ADGRA1: variants seen among roughly 807,000 people sequenced by gnomAD.
The protein encoded by ADGRA1 is G-protein coupled receptor 123.
ADGRA1 carries 12 observed loss-of-function variants against 21.3 expected under a neutral mutation model. The ratio of observed to expected loss-of-function variants is 0.56; its 90% CI spans 0.36 to 0.91. The LOEUF (loss-of-function observed/expected upper bound fraction) is 0.91, where lower values mean the gene tolerates loss of function less well. ADGRA1 is among the 40% of genes least tolerant of loss of function. The pLI is 0.01. For synonymous variants in ADGRA1, 385 were observed against 368.8 expected (o/e 1.04, Z -0.50); for missense variants, 790 against 805.6 (o/e 0.98, Z 0.23).
intron 5 of ADGRA1, among the ~76,000 whole-genome samples, chr10:133,121,665 C>A: frequency 9.0e-6 from 1 of 110,736 alleles, no homozygotes; most frequent in South Asian, 3.2e-4. Context: ...GTGGTGTGTG[C>A]CAGTGTGCAT....
intron 5 of ADGRA1, among the ~76,000 whole-genome samples, chr10:133,103,054 A>AG (rs1851827672): frequency 1.8e-5 from 1 of 55,980 alleles, no homozygotes; most frequent in East Asian, 4.1e-4. Context: ...GCCGGAGGGG[A>AG]GGGGCGCCGG....
At position 133,129,937 on chromosome 10, in the gene ADGRA1, C is replaced by G. The variant is rs1852482698; in HGVS notation, c.*426C>G. Reference sequence around the variant, plus strand: ...GCTGCCCACGGAGTCCTGGCTTCCCCTGGTGTGGCCGGGCAGGGCCGAGAT... The same window carrying G: ...GCTGCCCACGGAGTCCTGGCTTCCCGTGGTGTGGCCGGGCAGGGCCGAGAT... On this transcript the variant is annotated 3_prime_UTR_variant, in exon 7 of 7. Transcript: ENST00000392607. 1 of 179,358 alleles carries G rather than the reference C, an allele frequency of 5.6e-6. No homozygotes were observed. The highest frequency in any genetic ancestry group is 1.5e-4 in the South Asian group (1 of 6,782). The allele number at this position is 179,358 out of a possible 1,614,324, so 11.1% of individuals were successfully genotyped here.
intron 5 of ADGRA1, among the ~76,000 whole-genome samples, chr10:133,104,552 A>G (rs919153658): frequency 3.3e-5 from 5 of 152,136 alleles, no homozygotes; most frequent in Admixed American, 1.3e-4. Flanking sequence ...GCTTGCGGCC[A>G]TGGTGCCGAG....
chr10:133,091,704 G>A lies in ADGRA1; in HGVS notation c.3+2792G>A, dbSNP rs533478595. Reference sequence around the variant, plus strand: ...TGTTCTCAATGCCGGGATTGAGTGCGAGGACAAGCTTGGGCTGGGGGACCC... The same window carrying A: ...TGTTCTCAATGCCGGGATTGAGTGCAAGGACAAGCTTGGGCTGGGGGACCC... On this transcript the variant is annotated intron_variant, in intron 2 of 6. Transcript: ENST00000392607. Among the ~76,000 whole-genome samples the A allele has an allele frequency of 4.6e-5, 7 of 152,366 alleles. No homozygotes were observed. The East Asian group carries it at 1.2e-3, about 25-fold the overall frequency.
At chr10:133,109,775 A>T (rs1357301290) in intron 5 of ADGRA1, among the ~76,000 whole-genome samples, 1 of 152,178 alleles carries the variant, frequency 6.6e-6, no homozygotes, top group Non-Finnish European at 1.5e-5. Context: ...AACGGCAGGG[A>T]TGTAGTAAAT....
Position 133,088,851 on chromosome 10 carries a change from C to T in ADGRA1, c.-59C>T. On this transcript the variant is annotated 5_prime_UTR_variant, in exon 2 of 7. Coordinates refer to ENST00000392607, the MANE Select transcript of ADGRA1 (RefSeq NM_001083909.3). The stretch of plus-strand genomic sequence containing the variant: ...GGCGGGGAGCAGGGCGCCACCTGAT[C>T]GCCTCCCCCTGGACGCCTCCTCCAG... 6 of 1,237,012 alleles carry T rather than the reference C, an allele frequency of 4.9e-6. No homozygotes were observed. The highest frequency in any genetic ancestry group is 6.1e-6 in the Non-Finnish European group (6 of 988,016). 76.6% of individuals were successfully genotyped at this position (1,237,012 alleles called of 1,614,324 possible).
intron 5 of ADGRA1, among the ~76,000 whole-genome samples, chr10:133,118,250 C>T (rs1473085628): frequency 1.3e-5 from 2 of 152,196 alleles, no homozygotes; most frequent in East Asian, 1.9e-4. Context: ...CCTCAGGTCA[C>T]GGTGCCCACA....
At chr10:133,090,339 C>A (rs766719122) in intron 2 of ADGRA1, among the ~76,000 whole-genome samples, 2 of 152,302 alleles carry the variant, frequency 1.3e-5, no homozygotes, top group Admixed American at 1.3e-4. Context: ...CACCCGGTCC[C>A]AGCCGGCCTG....
intron 5 of ADGRA1, among the ~76,000 whole-genome samples, chr10:133,116,660 C>T (rs1320245599): frequency 6.6e-6 from 1 of 152,058 alleles, no homozygotes; most frequent in Non-Finnish European, 1.5e-5. Context: ...AAACGGGCAG[C>T]CCGAGGAGGG....
chr10:133,100,451 C>T (rs1328417954), intron 4 of ADGRA1, among the ~76,000 whole-genome samples: 1 of 152,236 alleles, frequency 6.6e-6, no homozygotes, highest in East Asian at 1.9e-4. Context: ...CTTCAGCAAA[C>T]CCCGCCCGCG....
chr10:133,127,222 C>T lies in ADGRA1; in HGVS notation c.402-11C>T, dbSNP rs1442311117. On this transcript the variant is annotated splice_polypyrimidine_tract_variant and intron_variant, in intron 5 of 6. Transcript: ENST00000392607. ...CGTCTGCAAGGGGGTCAACGCCTTC[C>T]TCCCCGGCAGGTTTTACCTCGTCAG... The T allele has an allele frequency of 1.3e-6, 2 of 1,562,606 alleles. No individual in the cohort carries two copies. The highest frequency in any genetic ancestry group is 1.7e-6 in the Non-Finnish European group (2 of 1,155,742).
intron 2 of ADGRA1, chr10:133,095,739 C>A (rs1279740694): frequency 1.3e-6 from 2 of 1,598,388 alleles, no homozygotes; most frequent in African/African-American, 1.3e-5. Flanking sequence ...AGGAGGGAAG[C>A]AGGAGCTCTC....
At chr10:133,088,599 A>ACCT in intron 1 of ADGRA1, 109 bp from the exon 2 acceptor site, 1 of 623,388 alleles carries the variant, frequency 1.6e-6, no homozygotes, top group East Asian at 4.5e-5. Flanking sequence ...CCGCCCGCGG[A>ACCT]GGGGAGGGAG....
intron 2 of ADGRA1, among the ~76,000 whole-genome samples, chr10:133,092,358 A>G (rs1027320942): frequency 2.0e-5 from 3 of 152,350 alleles, no homozygotes; most frequent in African/African-American, 7.2e-5. Flanking sequence ...TTAAGCAAGT[A>G]ACTACCAGTC....
chr10:133,114,271 T>C (rs1852115375), intron 5 of ADGRA1, among the ~76,000 whole-genome samples: 1 of 152,208 alleles, frequency 6.6e-6, no homozygotes, highest in Admixed American at 6.5e-5. Flanking sequence ...AGGCCACATG[T>C]GGCCTGACGT....
chr10:133,129,136 C>T lies in ADGRA1; in HGVS notation c.1308C>T (p.Tyr436=), dbSNP rs770540782. 14 of 1,554,106 alleles carry T rather than the reference C, an allele frequency of 9.0e-6. No homozygotes were observed. The highest frequency in any genetic ancestry group is 1.4e-5 in the African/African-American group (1 of 73,350). Residue 436 remains tyrosine (Y), a synonymous_variant, in exon 7 of 7, where the codon TAC becomes TAT. Coordinates refer to ENST00000392607, the MANE Select transcript of ADGRA1 (RefSeq NM_001083909.3). ...GGCACCCAGCAGAGGAGCCCGAGTA[C>T]GCCTACCACATCCCATCCAGCCTGG... ...FSRHPAEEPE[Y]AYHIPSSLDG...
At position 133,129,040 on chromosome 10, in the gene ADGRA1, G is replaced by A. The variant is rs768993844; in HGVS notation, c.1212G>A (p.Glu404=). The A allele has an allele frequency of 5.0e-5, 78 of 1,556,436 alleles. No homozygotes were observed. The highest frequency in any genetic ancestry group is 6.7e-5 in the Non-Finnish European group (77 of 1,149,202). ...AGGCGCACGTGCACCTGCAGGAGGA[G>A]GGCGCCTTCGGGCACGACCCCCACC... ...ADEAHVHLQE[E]GAFGHDPHLH... The change falls in exon 7 of 7, where the codon GAG becomes GAA. Residue 404 remains glutamate (E), a synonymous_variant. Transcript: ENST00000392607.
Position 133,112,395 on chromosome 10 carries a change from GGCC to G in ADGRA1, c.401+9556_401+9558del, listed in dbSNP as rs1242678843. Among the ~76,000 whole-genome samples the G allele has an allele frequency of 1.6e-3, 221 of 139,238 alleles. 1 individual carries two copies. Among genetic ancestry groups the G allele is most frequent in the African/African-American group, 6.4e-3 (214 of 33,182 alleles). 91.3% of individuals were successfully genotyped at this position (139,238 alleles called of 152,430 possible). A position where few individuals can be genotyped will look rare whatever the true frequency, so the allele number is the denominator to read the frequency against. On this transcript the variant is annotated intron_variant, in intron 5 of 6. Coordinates refer to ENST00000392607, the MANE Select transcript of ADGRA1 (RefSeq NM_001083909.3). ...CCGTGTCGGTTATTTGGGGTCTACG[GGCC>G]GCGTCCGTTATTTGGGGTCTGCGGG...
rs898348363 is a variant in ADGRA1, at chr10:133,128,677, G to A, written c.849G>A (p.Leu283=). The A allele has an allele frequency of 3.7e-5, 59 of 1,611,174 alleles. No individual in the cohort carries two copies. Among genetic ancestry groups the A allele is most frequent in the Non-Finnish European group, 5.0e-5 (59 of 1,179,504 alleles). Reference sequence around the variant, plus strand: ...TGGCGGTGTCACAGGGCCACTTCCTGGACATGGTCTTCAGCTGCCTGTACG... The same window carrying A: ...TGGCGGTGTCACAGGGCCACTTCCTAGACATGGTCTTCAGCTGCCTGTACG... ...GALAVSQGHF[L]DMVFSCLYGA... Residue 283 remains leucine, a synonymous_variant, in exon 7 of 7, where the codon CTG becomes CTA. Coordinates refer to ENST00000392607, the MANE Select transcript of ADGRA1 (RefSeq NM_001083909.3).
Sources: gnomAD v4.1 joint callset for allele counts (sites outside exome capture counted in the v4.1 genomes callset) on GRCh38, gnomAD v4.1.1 for gene constraint, MANE v1.5 for transcripts, NCBI Gene and HGNC (gene_info 2026-07-23, HGNC 2026-07-21) for gene names.